Variants in C7orf33 observed in about 807,000 individuals in gnomAD.
The protein encoded by C7orf33 is uncharacterized protein C7orf33.
C7orf33 carries 15 observed loss-of-function variants against 13.4 expected under a neutral mutation model. That is an observed-to-expected ratio of 1.12 (90% CI 0.75 to 1.72). The LOEUF (loss-of-function observed/expected upper bound fraction) is 1.72, where lower values mean the gene tolerates loss of function less well. C7orf33 is among the 40% of genes most tolerant of loss of function. The pLI is 0.00. For missense variants in C7orf33, 187 were observed against 220.3 expected (o/e 0.85, Z 0.96); for synonymous variants, 73 against 83.2 (o/e 0.88, Z 0.67).
chr7:148,610,993 T>C (rs1192068860), intron 1 of C7orf33, among the ~76,000 whole-genome samples: 2 of 152,122 alleles, frequency 1.3e-5, no homozygotes, highest in South Asian at 2.1e-4. Flanking sequence ...CTGGTGTGAA[T>C]TGGGTTCGAC....
intron 1 of C7orf33, among the ~76,000 whole-genome samples, chr7:148,598,431 G>T (rs1461829273): frequency 1.3e-5 from 2 of 151,944 alleles, no homozygotes. Flanking sequence ...CTTTCTCTGG[G>T]ACAGTGCTAC....
At chr7:148,604,611 C>G (rs938708094) in intron 1 of C7orf33, among the ~76,000 whole-genome samples, 4 of 152,134 alleles carry the variant, frequency 2.6e-5, no homozygotes, top group African/African-American at 9.7e-5. Context: ...GTACAGTGTA[C>G]CCTGCTCAGG....
At chr7:148,608,058 GA>G (rs1796493683) in intron 1 of C7orf33, among the ~76,000 whole-genome samples, 1 of 152,098 alleles carries the variant, frequency 6.6e-6, no homozygotes, top group Non-Finnish European at 1.5e-5. Context: ...AAAAATAGAT[GA>G]AGGAAAATGA....
intron 1 of C7orf33, among the ~76,000 whole-genome samples, chr7:148,604,563 G>T (rs1389301505): frequency 1.3e-5 from 2 of 152,194 alleles, no homozygotes; most frequent in African/African-American, 4.8e-5. Flanking sequence ...CAGGGGAAAG[G>T]GTGGGAGGGG....
chr7:148,615,508 T>C lies in C7orf33; in HGVS notation c.*107T>C. The C allele has an allele frequency of 1.4e-6, 1 of 734,426 alleles. No homozygotes were observed. Among genetic ancestry groups the C allele is most frequent in the East Asian group, 2.8e-5 (1 of 36,160 alleles). The allele number at this position is 734,426 out of a possible 1,614,324, so 45.5% of individuals were successfully genotyped here. A position where few individuals can be genotyped will look rare whatever the true frequency, so the allele number is the denominator to read the frequency against. On this transcript the variant is annotated 3_prime_UTR_variant, in exon 3 of 3. Transcript: ENST00000307003. ...CTGAAGTTCTGGAAATAACAGTTGA[T>C]GAAAACTTGGTAATCTGAAGTCTGA...
chr7:148,606,372 C>T (rs1796472759), intron 1 of C7orf33, among the ~76,000 whole-genome samples: 1 of 152,148 alleles, frequency 6.6e-6, no homozygotes, highest in African/African-American at 2.4e-5. Context: ...GTCAAAAATA[C>T]CTCACCTCTG....
chr7:148,613,962 TG>T, intron 1 of C7orf33, 79 bp from the exon 2 acceptor site: 2 of 1,427,304 alleles, frequency 1.4e-6, no homozygotes, highest in Non-Finnish European at 9.6e-7. Context: ...TCAAAAGAAA[TG>T]TGAGAACAAA....
At position 148,600,537 on chromosome 7, in the gene C7orf33, T is replaced by A. The variant is rs1422545169; in HGVS notation, c.204+9408T>A. ...AGAGCAGGGACCCCTCTTGCCAGGATATAAGGGCAATACTGGGAACTTTTT... is the reference window on the plus strand; with the variant it reads ...AGAGCAGGGACCCCTCTTGCCAGGAAATAAGGGCAATACTGGGAACTTTTT... On this transcript the variant is annotated intron_variant, in intron 1 of 2. Coordinates refer to ENST00000307003, the MANE Select transcript of C7orf33 (RefSeq NM_145304.4). 2.0e-5 allele frequency among the ~76,000 whole-genome samples: 3 copies of A among 152,192 alleles called. No homozygotes were observed. The East Asian group carries it at 5.8e-4, about 29-fold the overall frequency.
intron 1 of C7orf33, among the ~76,000 whole-genome samples, chr7:148,597,836 A>G (rs1404213239): frequency 6.6e-6 from 1 of 152,080 alleles, no homozygotes; most frequent in Non-Finnish European, 1.5e-5. Context: ...GCTTACTGCA[A>G]GCTCCGCTTC....
chr7:148,591,599 G>A (rs973300026), intron 1 of C7orf33, among the ~76,000 whole-genome samples: 2 of 152,066 alleles, frequency 1.3e-5, no homozygotes, highest in Non-Finnish European at 2.9e-5. Flanking sequence ...TGTTGTTTTA[G>A]AGATAGTATC....
At chr7:148,599,375 G>A (rs1431468534) in intron 1 of C7orf33, among the ~76,000 whole-genome samples, 1 of 151,788 alleles carries the variant, frequency 6.6e-6, no homozygotes, top group Non-Finnish European at 1.5e-5. Context: ...TTGAAGTCAT[G>A]TGAATAAACT....
At chr7:148,602,253 A>G (rs1419370693) in intron 1 of C7orf33, among the ~76,000 whole-genome samples, 1 of 152,120 alleles carries the variant, frequency 6.6e-6, no homozygotes, top group Non-Finnish European at 1.5e-5. Flanking sequence ...TACAGCAACC[A>G]TTATATTTAA....
chr7:148,609,797 G>T (rs1796514558), intron 1 of C7orf33, among the ~76,000 whole-genome samples: 1 of 152,194 alleles, frequency 6.6e-6, no homozygotes, highest in African/African-American at 2.4e-5. Flanking sequence ...CTTAGTGGAG[G>T]GTGGAGGGTT....
rs11373798 is a variant in C7orf33, at chr7:148,600,799, C to CTTTTT, written c.204+9687_204+9691dup. Among the ~76,000 whole-genome samples, 365 of 103,700 alleles carry CTTTTT rather than the reference C, an allele frequency of 3.5e-3. 6 individuals are homozygous for CTTTTT. The highest frequency in any genetic ancestry group is 0.011 in the African/African-American group (250 of 23,346). The allele number at this position is 103,700 out of a possible 152,430, so 68.0% of individuals were successfully genotyped here. On this transcript the variant is annotated intron_variant, in intron 1 of 2. Transcript: ENST00000307003. ...TCTGCTTTCTCCATTTTATGGACTT[C>CTTTTT]TTTTTTTTTTTTTTTTTTTTTGAGA...
At chr7:148,605,618 C>T (rs1221468367) in intron 1 of C7orf33, among the ~76,000 whole-genome samples, 1 of 152,178 alleles carries the variant, frequency 6.6e-6, no homozygotes, top group African/African-American at 2.4e-5. Flanking sequence ...CACTTGCAGA[C>T]CTGACCTCAT....
intron 1 of C7orf33, among the ~76,000 whole-genome samples, chr7:148,598,788 A>T (rs1796380206): frequency 7.2e-6 from 1 of 139,228 alleles, no homozygotes; most frequent in East Asian, 2.1e-4. Flanking sequence ...AGAGAGAGAG[A>T]GAGAGAGAGA....
intron 1 of C7orf33, among the ~76,000 whole-genome samples, chr7:148,610,282 A>G (rs1796522958): frequency 6.6e-6 from 1 of 152,150 alleles, no homozygotes; most frequent in Non-Finnish European, 1.5e-5. Flanking sequence ...CTTTTGAGTC[A>G]GTGGGCTGGG....
At position 148,590,803 on chromosome 7, in the gene C7orf33, C is replaced by T. The variant is rs1402174756; in HGVS notation, c.-123C>T. The T allele has an allele frequency of 1.0e-5, 9 of 868,262 alleles. No individual in the cohort carries two copies. The highest frequency in any genetic ancestry group is 3.3e-5 in the African/African-American group (2 of 60,176). 53.8% of individuals were successfully genotyped at this position (868,262 alleles called of 1,614,324 possible). On this transcript the variant is annotated 5_prime_UTR_variant, in exon 1 of 3. Coordinates refer to ENST00000307003, the MANE Select transcript of C7orf33 (RefSeq NM_145304.4). ...GCCAATCCAGTGGTCAGGAGCGAGG[C>T]GCCCAGCCTGTGTCTGAATCCTCCT...
chr7:148,600,476 A>C (rs1387189851), intron 1 of C7orf33, among the ~76,000 whole-genome samples: 2 of 152,148 alleles, frequency 1.3e-5, no homozygotes, highest in African/African-American at 2.4e-5. Context: ...GTCTCAAAAA[A>C]CAAAAATGAA....
Sources: gnomAD v4.1 joint callset for allele counts (sites outside exome capture counted in the v4.1 genomes callset) on GRCh38, gnomAD v4.1.1 for gene constraint, MANE v1.5 for transcripts, NCBI Gene and HGNC (gene_info 2026-07-23, HGNC 2026-07-21) for gene names.